Variants in ADAM10 observed in about 807,000 individuals in gnomAD.
ADAM10 encodes the protein disintegrin and metalloproteinase domain-containing protein 10.
Under a neutral mutation model 90.1 loss-of-function variants are expected in ADAM10, and 17 were observed. The observed-to-expected ratio is 0.19, with a 90% confidence interval of 0.13 to 0.28. ADAM10 has a LOEUF of 0.28. ADAM10 is among the 10% of genes least tolerant of loss of function. The probability of loss-of-function intolerance (pLI) is 1.00; values close to 1 mark genes in which losing one functional copy is unlikely to be tolerated. For missense variants in ADAM10, 610 were observed against 914.3 expected (o/e 0.67, Z 4.29); for synonymous variants, 310 against 298.6 (o/e 1.04, Z -0.40).
At chr15:58,603,806 C>T (rs2140991121) in intron 14 of ADAM10, among the ~76,000 whole-genome samples, 1 of 146,948 alleles carries the variant, frequency 6.8e-6, no homozygotes, top group South Asian at 2.1e-4. Context: ...AGTAAATATC[C>T]TTACAGTGGT....
chr15:58,734,973 C>T (rs551972664), intron 1 of ADAM10, among the ~76,000 whole-genome samples: 11 of 152,322 alleles, frequency 7.2e-5, no homozygotes, highest in Non-Finnish European at 1.6e-4. Flanking sequence ...AGTCAGACAT[C>T]ACAAAATTGC....
chr15:58,649,686 T>A (rs191161692), intron 5 of ADAM10, among the ~76,000 whole-genome samples: 2 of 152,328 alleles, frequency 1.3e-5, no homozygotes, highest in Non-Finnish European at 1.5e-5. Context: ...TAAGAGTGAT[T>A]AAACTTTTTC....
intron 1 of ADAM10, among the ~76,000 whole-genome samples, chr15:58,738,657 A>C (rs72745007): frequency 0.014 from 2,203 of 152,328 alleles, 18 homozygotes; most frequent in Non-Finnish European, 0.024. Context: ...TCTTTTATAA[A>C]TTATATACAA....
chr15:58,704,321 G>T (rs1202239864), intron 2 of ADAM10, among the ~76,000 whole-genome samples: 2 of 152,166 alleles, frequency 1.3e-5, no homozygotes, highest in Non-Finnish European at 2.9e-5. Context: ...GAGAAAAATG[G>T]GGAGTCACTG....
intron 12 of ADAM10, 166 bp downstream of exon 12, chr15:58,611,642 G>C: frequency 3.1e-6 from 2 of 643,186 alleles, no homozygotes; most frequent in East Asian, 2.8e-5. Context: ...AGACAAATTA[G>C]TAGCTAATTG....
chr15:58,621,082 C>T (rs1019957380), intron 11 of ADAM10, among the ~76,000 whole-genome samples: 15 of 151,040 alleles, frequency 9.9e-5, no homozygotes, highest in Non-Finnish European at 2.2e-4. Context: ...GGGCAAATGG[C>T]GTAACTCTGT....
intron 5 of ADAM10, among the ~76,000 whole-genome samples, chr15:58,651,771 T>C (rs2140706106): frequency 6.6e-6 from 1 of 152,272 alleles, no homozygotes; most frequent in Admixed American, 6.5e-5. Context: ...TGTGCAGCAG[T>C]GGGACTGCTG....
At chr15:58,692,168 TG>T (rs1159497922) in intron 2 of ADAM10, 1 of 545,028 alleles carries the variant, frequency 1.8e-6, no homozygotes, top group Non-Finnish European at 3.7e-6. Flanking sequence ...ATTTTCCTCT[TG>T]TTCTAAAAAA....
chr15:58,638,017 T>C (rs1241819926), intron 8 of ADAM10, among the ~76,000 whole-genome samples: 2 of 152,190 alleles, frequency 1.3e-5, no homozygotes, highest in African/African-American at 4.8e-5. Context: ...GGCAGTGTTA[T>C]TTCAAGGCAG....
chr15:58,590,005 C>T lies in ADAM10; in HGVS notation c.*7542G>A, dbSNP rs977178039. Reference sequence around the variant, plus strand: ...AAATAAAGGAATCTGAATGACTAGGCTGACATACCTTTCCCCAAAGAAAAA... The same window carrying T: ...AAATAAAGGAATCTGAATGACTAGGTTGACATACCTTTCCCCAAAGAAAAA... On this transcript the variant is annotated 3_prime_UTR_variant, in exon 16 of 16. Coordinates refer to ENST00000260408, the MANE Select transcript of ADAM10 (RefSeq NM_001110.4). 6.6e-6 allele frequency: 1 copy of T among 152,196 alleles called. No individual in the cohort carries two copies. The highest frequency in any genetic ancestry group is 1.5e-5 in the Non-Finnish European group (1 of 68,042). The allele number at this position is 152,196 out of a possible 1,614,324, so 9.4% of individuals were successfully genotyped here.
chr15:58,696,491 TCTCA>T (rs144704032), intron 2 of ADAM10, among the ~76,000 whole-genome samples: 56 of 147,954 alleles, frequency 3.8e-4, no homozygotes, highest in Non-Finnish European at 6.7e-4. Flanking sequence ...CCAAGATGAG[TCTCA>T]CTCTCTCTCG....
At chr15:58,616,740 C>T (rs1488436092) in intron 11 of ADAM10, among the ~76,000 whole-genome samples, 1 of 152,002 alleles carries the variant, frequency 6.6e-6, no homozygotes, top group African/African-American at 2.4e-5. Flanking sequence ...CAAGAACGAA[C>T]CAAACCCCAA....
In ADAM10 at chr15:58,597,276, A is replaced by G. The variant is rs1178322169; in HGVS notation, c.*271T>C. The G allele has an allele frequency of 8.8e-7, 1 of 1,137,846 alleles. No homozygotes were observed. Among genetic ancestry groups the G allele is most frequent in the South Asian group, 1.7e-5 (1 of 60,252 alleles). 70.5% of individuals were successfully genotyped at this position (1,137,846 alleles called of 1,614,324 possible). The stretch of plus-strand genomic sequence containing the variant: ...ACGAAGAACAGGGAACACGGGGCAC[A>G]TAATAATATTCTAAGACTTTGTGCC... On this transcript the variant is annotated 3_prime_UTR_variant, in exon 16 of 16. Transcript: ENST00000260408.
intron 15 of ADAM10, 133 bp from the exon 16 acceptor site, chr15:58,597,774 T>G (rs1894998073): frequency 3.7e-6 from 3 of 817,754 alleles, no homozygotes; most frequent in Non-Finnish European, 5.4e-6. Flanking sequence ...CAATGTAATT[T>G]AAAATCTTCT....
chr15:58,619,571 T>C (rs1895719192), intron 11 of ADAM10, among the ~76,000 whole-genome samples: 2 of 152,188 alleles, frequency 1.3e-5, no homozygotes, highest in African/African-American at 2.4e-5. Flanking sequence ...AAATATCACA[T>C]ATACCTCATA....
At chr15:58,640,722 A>G in intron 8 of ADAM10, 55 bp downstream of exon 8, 1 of 1,535,448 alleles carries the variant, frequency 6.5e-7, no homozygotes, top group Non-Finnish European at 9.0e-7. Context: ...CATTCTCTGA[A>G]AACTCCCCTT....
intron 4 of ADAM10, among the ~76,000 whole-genome samples, chr15:58,678,812 G>T (rs1007103501): frequency 2.0e-5 from 3 of 152,100 alleles, no homozygotes; most frequent in Admixed American, 1.3e-4. Flanking sequence ...ACACACAAAG[G>T]TATTAGCATT....
At chr15:58,631,597 G>A (rs1896102576) in intron 9 of ADAM10, among the ~76,000 whole-genome samples, 1 of 152,138 alleles carries the variant, frequency 6.6e-6, no homozygotes, top group South Asian at 2.1e-4. Context: ...AAAAGAATCT[G>A]TGTTTTAAGA....
intron 5 of ADAM10, among the ~76,000 whole-genome samples, chr15:58,654,086 A>G (rs1896752542): frequency 6.6e-6 from 1 of 151,288 alleles, no homozygotes; most frequent in South Asian, 2.1e-4. Flanking sequence ...TTATTTATTT[A>G]GGTCTTTTTT....
Sources: allele counts gnomAD v4.1 joint callset (sites outside exome capture counted in the v4.1 genomes callset), GRCh38; gene constraint gnomAD v4.1.1; transcripts MANE v1.5; gene names NCBI Gene and HGNC (gene_info 2026-07-23, HGNC 2026-07-21).